KANK1: variants seen among roughly 807,000 people sequenced by gnomAD.
The protein encoded by KANK1 is KN motif and ankyrin repeat domain-containing protein 1.
In KANK1, 109 loss-of-function variants were observed where a neutral mutation model predicts 106.2. The observed-to-expected ratio is 1.03, with a 90% CI of 0.88 to 1.20. The LOEUF (loss-of-function observed/expected upper bound fraction) is 1.20, where lower values mean the gene tolerates loss of function less well. Among genes scored for constraint, KANK1 ranks in the 50% most tolerant of loss-of-function variants. The pLI is 0.00. For missense variants in KANK1, 2,399 were observed against 1,710.7 expected, an observed-to-expected ratio of 1.40 and a Z score of -7.10; for synonymous variants, 873 against 652.2, an observed-to-expected ratio of 1.34 and a Z score of -5.16.
chr9:544,683 G>A (rs974355409), intron 1 of KANK1, among the ~76,000 whole-genome samples: 52 of 152,100 alleles, frequency 3.4e-4, no homozygotes, highest in African/African-American at 1.2e-3. Context: ...GGGAGGTGGA[G>A]GTCGTAGTTG....
intron 1 of KANK1, among the ~76,000 whole-genome samples, chr9:549,911 T>C (rs1420264339): frequency 6.6e-6 from 1 of 151,570 alleles, no homozygotes; most frequent in African/African-American, 2.4e-5. Flanking sequence ...GGTTGGGGGG[T>C]GGCACGCACA....
intron 9 of KANK1, among the ~76,000 whole-genome samples, chr9:741,572 C>T (rs1326792670): frequency 4.0e-5 from 6 of 150,758 alleles, no homozygotes; most frequent in Non-Finnish European, 7.4e-5. Context: ...ACTGGAAGCT[C>T]TGCCTCCCGG....
chr9:636,900 TA>T (rs1837272485), intron 1 of KANK1, among the ~76,000 whole-genome samples: 1 of 152,138 alleles, frequency 6.6e-6, no homozygotes, highest in Non-Finnish European at 1.5e-5. Flanking sequence ...ACCCTTCCTT[TA>T]GGCCCAGAGA....
intron 1 of KANK1, among the ~76,000 whole-genome samples, chr9:665,109 A>G (rs938255788): frequency 2.6e-5 from 4 of 152,084 alleles, no homozygotes; most frequent in African/African-American, 9.7e-5. Flanking sequence ...CTCTCATTCT[A>G]TGGGTTGTTT....
Position 740,855 on chromosome 9 carries a change from C to T in KANK1, c.3617C>T (p.Ala1206Val). Reference sequence around the variant, plus strand: ...ACCCCCATCATGTTGGCGGCCCTCGCCGCTGTGGAAGCAGAGAAGGACATG... The same window carrying T: ...ACCCCCATCATGTTGGCGGCCCTCGTCGCTGTGGAAGCAGAGAAGGACATG... ...GYTPIMLAALAAVEAEKDMRI... is the reference protein window; with the variant it reads ...GYTPIMLAALVAVEAEKDMRI... Residue 1206 changes from alanine to valine, a missense_variant, in exon 9 of 12, where the codon GCC (alanine) becomes GTC (valine). Transcript: ENST00000382297. 1 of 1,613,938 alleles carries T rather than the reference C, an allele frequency of 6.2e-7. No homozygotes were observed. Among genetic ancestry groups the T allele is most frequent in the Non-Finnish European group, 8.5e-7 (1 of 1,179,994 alleles).
chr9:518,530 C>T (rs2059399983), intron 1 of KANK1, among the ~76,000 whole-genome samples: 1 of 151,716 alleles, frequency 6.6e-6, no homozygotes, highest in Non-Finnish European at 1.5e-5. Context: ...CGAAACTCTA[C>T]TATTTCCTGC....
In KANK1 at chr9:745,307, C is replaced by G; in HGVS notation, c.*72C>G. 6.4e-7 allele frequency: 1 copy of G among 1,573,796 alleles called. No homozygotes were observed. The highest frequency in any genetic ancestry group is 8.7e-7 in the Non-Finnish European group (1 of 1,144,182). On this transcript the variant is annotated 3_prime_UTR_variant, in exon 12 of 12. Coordinates refer to ENST00000382297, the MANE Select transcript of KANK1 (RefSeq NM_015158.5). ...ATTGTTCCTGTTGGGGTGACAGATACTGAATGTATACGTATTGTGCCTGAG... is the reference window on the plus strand; with the variant it reads ...ATTGTTCCTGTTGGGGTGACAGATAGTGAATGTATACGTATTGTGCCTGAG...
intron 1 of KANK1, among the ~76,000 whole-genome samples, chr9:564,179 C>G (rs1043034578): frequency 1.3e-5 from 2 of 151,946 alleles, no homozygotes; most frequent in African/African-American, 4.8e-5. Context: ...CCTGCCTCAG[C>G]CTCCTCAGTA....
At chr9:714,009 C>T (rs1410699494) in intron 3 of KANK1, among the ~76,000 whole-genome samples, 3 of 152,106 alleles carry the variant, frequency 2.0e-5, no homozygotes, top group Non-Finnish European at 4.4e-5. Context: ...GAGGCTGAGG[C>T]GGGAGGATTG....
At chr9:705,745 C>T (rs1053926491) in intron 2 of KANK1, among the ~76,000 whole-genome samples, 48 of 151,592 alleles carry the variant, frequency 3.2e-4, no homozygotes, top group African/African-American at 9.4e-4. Flanking sequence ...ATTACAGGTG[C>T]CCGCCACTAT....
At chr9:520,222 C>T (rs369897843) in intron 1 of KANK1, among the ~76,000 whole-genome samples, 3 of 151,814 alleles carry the variant, frequency 2.0e-5, no homozygotes, top group South Asian at 2.1e-4. Flanking sequence ...CCTGTAGTCC[C>T]GGCTACCTGG....
chr9:625,330 A>T (rs573380615), intron 1 of KANK1, among the ~76,000 whole-genome samples: 1 of 152,222 alleles, frequency 6.6e-6, no homozygotes, highest in Non-Finnish European at 1.5e-5. Flanking sequence ...TGAGAATAGG[A>T]AACATTTGAA....
rs1273379242 is a variant in KANK1, at chr9:512,981, T to C, written c.-84+8227T>C. 4.6e-5 allele frequency among the ~76,000 whole-genome samples: 7 copies of C among 152,328 alleles called. No homozygotes were observed. The South Asian group carries it at 1.2e-3, about 27-fold the overall frequency. On this transcript the variant is annotated intron_variant, in intron 1 of 11. Transcript: ENST00000382297. Reference sequence around the variant, plus strand: ...CATTCTTTACCAGGCCGTAGAGATATGGAAAACTCAGGTTTGTTGAAGGGT... The same window carrying C: ...CATTCTTTACCAGGCCGTAGAGATACGGAAAACTCAGGTTTGTTGAAGGGT...
chr9:585,845 A>G, intron 1 of KANK1, among the ~76,000 whole-genome samples: 1 of 152,216 alleles, frequency 6.6e-6, no homozygotes, highest in Non-Finnish European at 1.5e-5. Context: ...GATTGAATAG[A>G]AGACGTTTAT....
At chr9:596,328 G>C (rs1360923045) in intron 1 of KANK1, among the ~76,000 whole-genome samples, 1 of 151,834 alleles carries the variant, frequency 6.6e-6, no homozygotes, top group Non-Finnish European at 1.5e-5. Flanking sequence ...AAGCAGCCAT[G>C]GTTTAGTTTC....
intron 1 of KANK1, chr9:674,289 G>T (rs1247057845): frequency 6.6e-6 from 1 of 151,848 alleles, no homozygotes; most frequent in African/African-American, 2.4e-5. Flanking sequence ...GCAGGGAGTG[G>T]ATGGTTTAGA....
At chr9:730,700 C>T (rs187885222) in intron 4 of KANK1, 303 of 189,782 alleles carry the variant, frequency 1.6e-3, no homozygotes, top group Non-Finnish European at 2.7e-3. Flanking sequence ...CTCAAAATTA[C>T]GAAAGAAAGC....
intron 1 of KANK1, among the ~76,000 whole-genome samples, chr9:667,439 C>G (rs1844895098): frequency 6.6e-6 from 1 of 151,798 alleles, no homozygotes; most frequent in South Asian, 2.1e-4. Flanking sequence ...TATTTCCTTT[C>G]TCCTAGTAAA....
chr9:619,333 A>G (rs967936932), intron 1 of KANK1, among the ~76,000 whole-genome samples: 1 of 152,210 alleles, frequency 6.6e-6, no homozygotes, highest in Non-Finnish European at 1.5e-5. Flanking sequence ...AGAGGGGGCA[A>G]GAGAACAAAG....
Sources: gnomAD v4.1 joint callset for allele counts (sites outside exome capture counted in the v4.1 genomes callset) on GRCh38, gnomAD v4.1.1 for gene constraint, MANE v1.5 for transcripts, NCBI Gene and HGNC (gene_info 2026-07-23, HGNC 2026-07-21) for gene names.